The following MEF2C variants were observed in gnomAD, a reference collection of about 807,000 sequenced individuals.
MEF2C encodes myocyte-specific enhancer factor 2C.
Under a neutral mutation model 50.5 loss-of-function variants are expected in MEF2C, and 6 were observed. The observed-to-expected ratio is 0.12, with a 90% CI of 0.07 to 0.23. The LOEUF (loss-of-function observed/expected upper bound fraction) is 0.23, where lower values mean the gene tolerates loss of function less well. Among genes scored for constraint, MEF2C ranks in the 10% least tolerant of loss-of-function variants. The pLI, the probability that MEF2C is intolerant of heterozygous loss-of-function variation, is 1.00. For synonymous variants in MEF2C, 183 were observed against 228.0 expected (o/e 0.80, Z 1.78); for missense variants, 276 against 605.0 (o/e 0.46, Z 5.70).
At chr5:88,869,009 T>A (rs1828298349) in intron 1 of MEF2C, among the ~76,000 whole-genome samples, 1 of 151,768 alleles carries the variant, frequency 6.6e-6, no homozygotes, top group Non-Finnish European at 1.5e-5. Flanking sequence ...GAAAACTTAC[T>A]ACAACAAGCA....
At chr5:88,753,410 T>G (rs976416694) in intron 4 of MEF2C, among the ~76,000 whole-genome samples, 1 of 152,244 alleles carries the variant, frequency 6.6e-6, no homozygotes, top group African/African-American at 2.4e-5. Context: ...TATATTATTA[T>G]TTTTAGACAC....
rs1041385425 is a variant in MEF2C at position 88,722,706 on chromosome 5, C to T, written c.1320G>A (p.Arg440=). 1 of 1,613,804 alleles carries T rather than the reference C, an allele frequency of 6.2e-7. No individual in the cohort carries two copies. Among genetic ancestry groups the T allele is most frequent in the African/African-American group, 1.3e-5 (1 of 74,904 alleles). ...GTCCAATGGGGGAGTGGAATTCGTT[C>T]CGGTGATCCTCTCGGTCGCTCCCGT... The part of the protein sequence containing the change: ...SYDGSDREDH[R]NEFHSPIGLT... Residue 440 remains arginine, a synonymous_variant, in exon 11 of 11, where the codon CGG becomes CGA. Coordinates refer to ENST00000504921, the MANE Select transcript of MEF2C (RefSeq NM_002397.5).
chr5:88,794,863 C>G (rs1406668636), intron 3 of MEF2C, among the ~76,000 whole-genome samples: 1 of 152,114 alleles, frequency 6.6e-6, no homozygotes, highest in African/African-American at 2.4e-5. Flanking sequence ...TTACATATGG[C>G]TAGCCAGTTT....
Position 88,722,743 on chromosome 5 carries a change from C to T in MEF2C, c.1283G>A (p.Ser428Asn). The change falls in exon 11 of 11, where the codon AGC (serine) becomes AAC (asparagine). Residue 428 changes from serine to asparagine, a missense_variant. Transcript: ENST00000504921. ...TCGGTCGCTCCCGTCGTACGAACTG[C>T]TACAGCTGCTCAAGCTGTCAACAGG... is the stretch of plus-strand genomic sequence containing the variant. ...RSPVDSLSSC[S>N]SSYDGSDRED... The T allele has an allele frequency of 1.2e-6, 2 of 1,614,008 alleles. No individual in the cohort carries two copies. Among genetic ancestry groups the T allele is most frequent in the Non-Finnish European group, 8.5e-7 (1 of 1,179,900 alleles).
intron 2 of MEF2C, among the ~76,000 whole-genome samples, chr5:88,805,955 T>C (rs1392336828): frequency 6.7e-6 from 1 of 148,362 alleles, no homozygotes; most frequent in Non-Finnish European, 1.5e-5. Flanking sequence ...ACTGTTCCTA[T>C]AAAATACTCC....
At chr5:88,760,906 T>C in intron 4 of MEF2C, 1 of 1,460,708 alleles carries the variant, frequency 6.8e-7, no homozygotes, top group Non-Finnish European at 9.2e-7. Context: ...CGAAGAGTCT[T>C]AGAGAAAGCC....
intron 1 of MEF2C, among the ~76,000 whole-genome samples, chr5:88,853,546 G>C (rs1822172417): frequency 6.6e-6 from 1 of 152,308 alleles, no homozygotes; most frequent in East Asian, 1.9e-4. Context: ...AATCATTTTA[G>C]GCAACAATAT....
intron 1 of MEF2C, chr5:88,843,313 G>A (rs1465486383): frequency 7.1e-6 from 7 of 980,770 alleles, no homozygotes; most frequent in East Asian, 1.1e-4. Context: ...GTTACATCAC[G>A]TAAAATATTG....
intron 3 of MEF2C, among the ~76,000 whole-genome samples, chr5:88,792,419 G>C (rs755672701): frequency 2.6e-5 from 4 of 152,128 alleles, no homozygotes; most frequent in Non-Finnish European, 4.4e-5. Context: ...AGAGTCTCTC[G>C]AAGTGAACAT....
At chr5:88,816,557 A>C (rs1315489119) in intron 2 of MEF2C, among the ~76,000 whole-genome samples, 1 of 148,220 alleles carries the variant, frequency 6.7e-6, no homozygotes, top group Non-Finnish European at 1.5e-5. Flanking sequence ...TCAACTCTTC[A>C]ATCACCAGCA....
At chr5:88,785,996 C>T (rs748560884) in intron 3 of MEF2C, among the ~76,000 whole-genome samples, 3 of 152,160 alleles carry the variant, frequency 2.0e-5, no homozygotes, top group Non-Finnish European at 4.4e-5. Context: ...GCCTTCTATT[C>T]CACGCCTATT....
intron 1 of MEF2C, among the ~76,000 whole-genome samples, chr5:88,840,630 T>C (rs1816990505): frequency 6.6e-6 from 1 of 152,176 alleles, no homozygotes; most frequent in Admixed American, 6.5e-5. Context: ...TTTAGAGAGT[T>C]TGTTTTTTTT....
intron 1 of MEF2C, among the ~76,000 whole-genome samples, chr5:88,877,519 AT>A (rs1831435539): frequency 6.6e-6 from 1 of 151,962 alleles, no homozygotes; most frequent in African/African-American, 2.4e-5. Context: ...CTATAATCTT[AT>A]TTTTACAATG....
chr5:88,770,961 C>T (rs1373854440), intron 3 of MEF2C, among the ~76,000 whole-genome samples: 1 of 152,178 alleles, frequency 6.6e-6, no homozygotes, highest in Non-Finnish European at 1.5e-5. Flanking sequence ...GGTTTAATGG[C>T]TTCACAGTTT....
chr5:88,812,043 A>G (rs1480381927), intron 2 of MEF2C, among the ~76,000 whole-genome samples: 1 of 152,154 alleles, frequency 6.6e-6, no homozygotes, highest in Non-Finnish European at 1.5e-5. Context: ...TAACTTGTTA[A>G]CTGTGAAACA....
intron 1 of MEF2C, chr5:88,826,956 A>T (rs1220819218): frequency 6.6e-6 from 1 of 151,846 alleles, no homozygotes; most frequent in Non-Finnish European, 1.5e-5. Context: ...CACTCTATAG[A>T]ATTACAGTCT....
intron 3 of MEF2C, among the ~76,000 whole-genome samples, chr5:88,790,178 T>C (rs1793044937): frequency 6.6e-6 from 1 of 152,186 alleles, no homozygotes; most frequent in South Asian, 2.1e-4. Context: ...CAGAAAAACC[T>C]AAGACACTTC....
At chr5:88,859,241 G>C (rs1486670234) in intron 1 of MEF2C, among the ~76,000 whole-genome samples, 1 of 152,130 alleles carries the variant, frequency 6.6e-6, no homozygotes, top group Non-Finnish European at 1.5e-5. Context: ...CTTTAAAACA[G>C]AATTTTGGGA....
chr5:88,733,483 G>T (rs547936671), intron 6 of MEF2C: 579 of 985,370 alleles, frequency 5.9e-4, no homozygotes, highest in Non-Finnish European at 6.6e-4. Flanking sequence ...GGTATACTCA[G>T]GAATTAGTAA....
Sources: gnomAD v4.1 joint callset for allele counts (sites outside exome capture counted in the v4.1 genomes callset) on GRCh38, gnomAD v4.1.1 for gene constraint, MANE v1.5 for transcripts, NCBI Gene and HGNC (gene_info 2026-07-23, HGNC 2026-07-21) for gene names.